The following TRIO variants were observed in gnomAD, a reference collection of about 807,000 sequenced individuals.
TRIO encodes triple functional domain protein.
A neutral mutation model predicts 351.9 loss-of-function variants in TRIO; 58 were observed. That is an observed-to-expected ratio of 0.16 (90% CI 0.13 to 0.21). TRIO has a LOEUF of 0.21. Among genes scored for constraint, TRIO ranks in the 10% least tolerant of loss-of-function variants. The probability of loss-of-function intolerance (pLI) is 1.00; values close to 1 mark genes in which losing one functional copy is unlikely to be tolerated. For synonymous variants in TRIO, 1,758 were observed against 1,595.7 expected (o/e 1.10, Z -2.42); for missense variants, 3,201 against 4,027.8 (o/e 0.79, Z 5.56).
Position 14,474,110 on chromosome 5 carries a change from G to A in TRIO, c.6083+13G>A. The A allele has an allele frequency of 6.2e-7, 1 of 1,609,500 alleles. No individual in the cohort carries two copies. The highest frequency in any genetic ancestry group is 1.3e-5 in the African/African-American group (1 of 75,024). ...ACTGGCACAGAGAGTACGTAAACATGCATTGTGCCCGATGGTGTGCAAAGC... is the reference window on the plus strand; with the variant it reads ...ACTGGCACAGAGAGTACGTAAACATACATTGTGCCCGATGGTGTGCAAAGC... On this transcript the variant is annotated intron_variant, in intron 40 of 56. Coordinates refer to ENST00000344204, the MANE Select transcript of TRIO (RefSeq NM_007118.4).
chr5:14,221,331 A>G (rs1426126756), intron 1 of TRIO, among the ~76,000 whole-genome samples: 1 of 152,206 alleles, frequency 6.6e-6, no homozygotes, highest in African/African-American at 2.4e-5. Context: ...CATGCCGGCT[A>G]ACACAACATC....
At chr5:14,383,387 A>G (rs1294253195) in intron 21 of TRIO, among the ~76,000 whole-genome samples, 1 of 152,186 alleles carries the variant, frequency 6.6e-6, no homozygotes, top group East Asian at 1.9e-4. Context: ...TCCAGGGGCC[A>G]TGCATGGGGG....
Position 14,243,317 on chromosome 5 carries a change from G to GTTT in TRIO, c.158-27498_158-27496dup, listed in dbSNP as rs201642661. 5.0e-3 allele frequency among the ~76,000 whole-genome samples: 718 copies of GTTT among 143,346 alleles called. 6 individuals carry two copies. The highest frequency in any genetic ancestry group is 0.016 in the African/African-American group (639 of 39,148). 94.0% of individuals were successfully genotyped at this position (143,346 alleles called of 152,430 possible). A position where few individuals can be genotyped will look rare whatever the true frequency, so the allele number is the denominator to read the frequency against. On this transcript the variant is annotated intron_variant, in intron 1 of 56. Transcript: ENST00000344204. Reference sequence around the variant, plus strand: ...TTTGCTCGCAACTTAGACATGAAATGTTTTTTTTTTTTAAGTTAGATTTAA... The same window carrying GTTT: ...TTTGCTCGCAACTTAGACATGAAATGTTTTTTTTTTTTTTTAAGTTAGATTTAA...
At chr5:14,464,588 C>T (rs767608972) in intron 36 of TRIO, among the ~76,000 whole-genome samples, 1 of 152,002 alleles carries the variant, frequency 6.6e-6, no homozygotes, top group Non-Finnish European at 1.5e-5. Flanking sequence ...TTGTTTTCTT[C>T]ACCCCATATT....
At chr5:14,488,845 A>G (rs901749910) in intron 48 of TRIO, 2 of 698,964 alleles carry the variant, frequency 2.9e-6, no homozygotes, top group Non-Finnish European at 5.2e-6. Flanking sequence ...TGGAAGACAG[A>G]GACTGCTCTG....
intron 1 of TRIO, among the ~76,000 whole-genome samples, chr5:14,200,533 A>G (rs1427781692): frequency 2.0e-5 from 3 of 152,212 alleles, no homozygotes; most frequent in African/African-American, 7.2e-5. Context: ...CATTGTAAGT[A>G]TTCAGTATAT....
chr5:14,177,888 C>A (rs1404145700), intron 1 of TRIO, among the ~76,000 whole-genome samples: 2 of 152,196 alleles, frequency 1.3e-5, no homozygotes, highest in Non-Finnish European at 2.9e-5. Context: ...CAAAATCGGT[C>A]CTCACCATAC....
rs142734144 is a variant in TRIO, at chr5:14,291,337, G to A, written c.1053+109G>A. ...GGAGAATGGTAAGGCTATACTCACC[G>A]TGTGTGCTCTAAACCAGCGAGAGTC... is the stretch of plus-strand genomic sequence containing the variant. On this transcript the variant is annotated intron_variant, in intron 5 of 56. Transcript: ENST00000344204. 535 of 1,173,164 alleles carry A rather than the reference G, an allele frequency of 4.6e-4. 4 individuals are homozygous for A. In the East Asian group the frequency reaches 0.012, roughly 27 times the overall value. The allele number at this position is 1,173,164 out of a possible 1,614,324, so 72.7% of individuals were successfully genotyped here.
At chr5:14,208,951 T>C (rs1214931985) in intron 1 of TRIO, among the ~76,000 whole-genome samples, 1 of 152,274 alleles carries the variant, frequency 6.6e-6, no homozygotes, top group African/African-American at 2.4e-5. Flanking sequence ...ATTGTGATGT[T>C]GTAAAACTGG....
intron 1 of TRIO, among the ~76,000 whole-genome samples, chr5:14,176,504 A>G (rs956482704): frequency 6.7e-6 from 1 of 150,266 alleles, no homozygotes; most frequent in African/African-American, 2.4e-5. Flanking sequence ...TCTGTTGCCT[A>G]GGCTGGAGGC....
At chr5:14,315,292 C>A (rs1479543214) in intron 8 of TRIO, among the ~76,000 whole-genome samples, 1 of 150,948 alleles carries the variant, frequency 6.6e-6, no homozygotes, top group East Asian at 1.9e-4. Flanking sequence ...ACTCTGTCGC[C>A]CAGGCTGGAG....
In TRIO at chr5:14,497,940, C is replaced by T; in HGVS notation, c.8047+66C>T. 1 of 1,611,090 alleles carries T rather than the reference C, an allele frequency of 6.2e-7. No individual in the cohort carries two copies. On this transcript the variant is annotated intron_variant, in intron 51 of 56. Coordinates refer to ENST00000344204, the MANE Select transcript of TRIO (RefSeq NM_007118.4). This position sits in a 1 kb window ranked among gnomAD's most constrained non-coding sequence, Gnocchi z 4.4. ...TAGACCTGTGGGGCATGTTTCAGAG[C>T]ACTTGAGTGTGGCCTCTGGAAATGA...
rs1792073653 is a variant in TRIO, at chr5:14,214,064, G to A, written c.158-56761G>A. ...CCCTTGAGAAAGAGAGCTTCATGCA[G>A]TCAGGCAAGCCGCAGTCAGGGCTGT... On this transcript the variant is annotated intron_variant, in intron 1 of 56. Coordinates refer to ENST00000344204, the MANE Select transcript of TRIO (RefSeq NM_007118.4). Among the ~76,000 whole-genome samples, 2 of 152,142 alleles carry A rather than the reference G, an allele frequency of 1.3e-5. 1 individual carries two copies. Among genetic ancestry groups the A allele is most frequent in the South Asian group, 4.1e-4 (2 of 4,836 alleles).
At chr5:14,241,736 G>C (rs1346182527) in intron 1 of TRIO, among the ~76,000 whole-genome samples, 1 of 152,120 alleles carries the variant, frequency 6.6e-6, no homozygotes, top group East Asian at 1.9e-4. Context: ...TTGGGTTCTT[G>C]TTTCTTCTGT....
chr5:14,187,464 T>A (rs1247431124), intron 1 of TRIO, among the ~76,000 whole-genome samples: 1 of 152,152 alleles, frequency 6.6e-6, no homozygotes, highest in Non-Finnish European at 1.5e-5. Context: ...TTCCCTGCAG[T>A]CCTTAACATG....
chr5:14,198,081 T>C (rs2152165892), intron 1 of TRIO, among the ~76,000 whole-genome samples: 1 of 152,338 alleles, frequency 6.6e-6, no homozygotes, highest in South Asian at 2.1e-4. Flanking sequence ...GAGAATTATC[T>C]ACCAACAATA....
chr5:14,167,400 G>A (rs1788833617), intron 1 of TRIO, among the ~76,000 whole-genome samples: 2 of 151,842 alleles, frequency 1.3e-5, no homozygotes, highest in Middle Eastern at 3.2e-3. Flanking sequence ...TTATTTACAC[G>A]AACCTGAAAG....
At chr5:14,412,539 C>T (rs996958360) in intron 33 of TRIO, among the ~76,000 whole-genome samples, 2 of 152,208 alleles carry the variant, frequency 1.3e-5, no homozygotes, top group Admixed American at 1.3e-4. Flanking sequence ...CTATTCACCA[C>T]ATGGAAGGCG....
At chr5:14,305,818 G>A (rs435850) in intron 8 of TRIO, among the ~76,000 whole-genome samples, 9,679 of 152,286 alleles carry the variant, frequency 0.064, 1,058 homozygotes, top group African/African-American at 0.22. Context: ...GTTTTGGTCA[G>A]TGATGGACTG....
Sources: gnomAD v4.1 joint callset for allele counts (sites outside exome capture counted in the v4.1 genomes callset) on GRCh38, gnomAD v4.1.1 for gene constraint, Gnocchi (gnomAD v3.1) non-coding constraint, MANE v1.5 for transcripts, NCBI Gene and HGNC (gene_info 2026-07-23, HGNC 2026-07-21) for gene names.